The following CRTC3 variants were observed in gnomAD, a reference collection of about 807,000 sequenced individuals.
CRTC3 encodes the protein CREB-regulated transcription coactivator 3.
A neutral mutation model predicts 74.5 loss-of-function variants in CRTC3; 26 were observed. The observed-to-expected ratio is 0.35, with a 90% CI of 0.26 to 0.48. The LOEUF is 0.48. CRTC3 is among the 20% of genes least tolerant of loss of function. CRTC3 has a pLI of 0.99. For missense variants in CRTC3, 760 were observed against 787.3 expected, an observed-to-expected ratio of 0.97 and a Z score of 0.41; for synonymous variants, 377 against 325.8, an observed-to-expected ratio of 1.16 and a Z score of -1.69.
At chr15:90,547,654 G>T (rs7167015) in intron 2 of CRTC3, among the ~76,000 whole-genome samples, 19,418 of 152,034 alleles carry the variant, frequency 0.13, 1,643 homozygotes, top group African/African-American at 0.25. Context: ...ATGTCTCTAG[G>T]CAGGGCCTGG....
intron 6 of CRTC3, among the ~76,000 whole-genome samples, chr15:90,608,351 T>A (rs1014031812): frequency 8.5e-5 from 13 of 152,286 alleles, no homozygotes; most frequent in African/African-American, 1.2e-4. Context: ...GGCTCCTGTC[T>A]GCCTCTCTCC....
Position 90,641,130 on chromosome 15 carries a change from C to T in CRTC3, c.1582C>T (p.Gln528Ter), listed in dbSNP as rs760755548. 6.2e-7 allele frequency: 1 copy of T among 1,613,910 alleles called. No individual in the cohort carries two copies. Among genetic ancestry groups the T allele is most frequent in the Non-Finnish European group, 8.5e-7 (1 of 1,179,972 alleles). The change falls in exon 14 of 15, where the codon CAG (glutamine) becomes TAG (stop). Residue 528 changes from glutamine to a stop codon, truncating the protein, a stop_gained. Transcript: ENST00000268184. LOFTEE classifies it high-confidence loss of function. ...GGTGCAACAAGGTTCCCGAGAACTG[C>T]AGGACTCTTTTCATTTGAGACCAAG... ...PLVQQGSREL[Q>*]DSFHLRPSPY... is the part of the protein sequence containing the mutation.
In CRTC3 at chr15:90,578,206, C is replaced by T. The variant is rs145246439; in HGVS notation, c.232-15430C>T. 4.1e-3 allele frequency among the ~76,000 whole-genome samples: 627 copies of T among 152,212 alleles called. 8 individuals carry two copies. The highest frequency in any genetic ancestry group is 0.015 in the African/African-American group (611 of 41,546). ...TGCTGGGATTACAGGCATGAGCCAC[C>T]GCACCTGGCCAAATGTATTTATTAC... On this transcript the variant is annotated intron_variant, in intron 2 of 14. Coordinates refer to ENST00000268184, the MANE Select transcript of CRTC3 (RefSeq NM_022769.5).
intron 4 of CRTC3, among the ~76,000 whole-genome samples, chr15:90,603,373 G>A (rs1567180635): frequency 6.6e-6 from 1 of 151,096 alleles, no homozygotes; most frequent in Non-Finnish European, 1.5e-5. Flanking sequence ...AACCCAGGAG[G>A]CGGAGCTTGC....
chr15:90,593,589 G>T, intron 2 of CRTC3, 47 bp from the exon 3 acceptor site: 1 of 1,580,058 alleles, frequency 6.3e-7, no homozygotes, highest in Non-Finnish European at 8.7e-7. Flanking sequence ...GAGGGTGAGT[G>T]TCAATTTCAT....
At chr15:90,571,636 T>C (rs540814319) in intron 2 of CRTC3, among the ~76,000 whole-genome samples, 1 of 152,326 alleles carries the variant, frequency 6.6e-6, no homozygotes, top group East Asian at 1.9e-4. Context: ...TTCTTCCAAA[T>C]TTGTTGTAGA....
intron 9 of CRTC3, 39 bp from the exon 10 acceptor site, chr15:90,625,736 AT>A (rs780994640): frequency 6.4e-7 from 1 of 1,572,920 alleles, no homozygotes; most frequent in Non-Finnish European, 8.8e-7. Flanking sequence ...CAACAGCCAA[AT>A]ACATTGTAGA....
chr15:90,622,649 A>G (rs758464717), intron 9 of CRTC3, among the ~76,000 whole-genome samples: 1 of 152,114 alleles, frequency 6.6e-6, no homozygotes, highest in African/African-American at 2.4e-5. Flanking sequence ...TCAGGAGTTC[A>G]AGACCAGCCT....
intron 2 of CRTC3, among the ~76,000 whole-genome samples, chr15:90,580,558 G>C (rs1232134456): frequency 6.6e-6 from 1 of 151,864 alleles, no homozygotes; most frequent in Non-Finnish European, 1.5e-5. Flanking sequence ...TTCCAGAGTA[G>C]TTGGGATTAC....
At chr15:90,583,790 CAGGTCTGACGCTGGAGATTTGTTAT>C in intron 2 of CRTC3, among the ~76,000 whole-genome samples, 2 of 152,206 alleles carry the variant, frequency 1.3e-5, no homozygotes, top group South Asian at 4.2e-4. Flanking sequence ...TGGGTGCTGG[CAGGTCTGACGCTGGAGATTTGTTAT>C]ACATTTTGAA....
intron 13 of CRTC3, among the ~76,000 whole-genome samples, chr15:90,640,294 C>A (rs1321095502): frequency 6.6e-6 from 1 of 152,188 alleles, no homozygotes. Context: ...CTGGTTATAA[C>A]CAGTCCTCAT....
chr15:90,539,820 G>A, intron 1 of CRTC3: 2 of 527,306 alleles, frequency 3.8e-6, no homozygotes, highest in South Asian at 2.3e-5. Context: ...TACTATCATG[G>A]TATATGGGAC....
intron 2 of CRTC3, among the ~76,000 whole-genome samples, chr15:90,548,696 A>G (rs531023370): frequency 2.6e-5 from 4 of 152,360 alleles, no homozygotes; most frequent in East Asian, 3.9e-4. Context: ...AGTATGTGCT[A>G]TGTGCCAGAC....
intron 2 of CRTC3, among the ~76,000 whole-genome samples, chr15:90,570,142 G>T (rs1004442625): frequency 1.3e-5 from 2 of 152,176 alleles, no homozygotes; most frequent in Non-Finnish European, 2.9e-5. Flanking sequence ...GACATAACTT[G>T]TTTGTCTTTA....
At chr15:90,576,320 T>G (rs1396539852) in intron 2 of CRTC3, among the ~76,000 whole-genome samples, 1 of 152,140 alleles carries the variant, frequency 6.6e-6, no homozygotes, top group Non-Finnish European at 1.5e-5. Context: ...GACTGAGATG[T>G]GCAGGGATGA....
At chr15:90,586,958 C>T (rs973744219) in intron 2 of CRTC3, among the ~76,000 whole-genome samples, 5 of 152,220 alleles carry the variant, frequency 3.3e-5, no homozygotes, top group African/African-American at 7.2e-5. Flanking sequence ...CCTAACTTAG[C>T]GTGGGCTTAT....
chr15:90,625,248 TGCC>T (rs1275797392), intron 9 of CRTC3, among the ~76,000 whole-genome samples: 8 of 152,258 alleles, frequency 5.3e-5, no homozygotes, highest in Non-Finnish European at 1.2e-4. Flanking sequence ...TTCATCATGG[TGCC>T]GCCAACATGC....
At chr15:90,578,197 A>T (rs1967451444) in intron 2 of CRTC3, among the ~76,000 whole-genome samples, 1 of 152,080 alleles carries the variant, frequency 6.6e-6, no homozygotes, top group Non-Finnish European at 1.5e-5. Context: ...GATTACAGGC[A>T]TGAGCCACCG....
At chr15:90,537,453 G>A (rs1009945708) in intron 1 of CRTC3, among the ~76,000 whole-genome samples, 21 of 152,100 alleles carry the variant, frequency 1.4e-4, no homozygotes, top group African/African-American at 4.8e-4. Context: ...GCGCCATCTC[G>A]GCTCACGGCA....
Sources: allele counts gnomAD v4.1 joint callset (sites outside exome capture counted in the v4.1 genomes callset), GRCh38; gene constraint gnomAD v4.1.1; transcripts MANE v1.5; gene names NCBI Gene and HGNC (gene_info 2026-07-23, HGNC 2026-07-21).